TECTA: variants seen among roughly 807,000 people sequenced by gnomAD.
TECTA encodes the protein tectorin alpha.
In TECTA, 128 loss-of-function variants were observed where a neutral mutation model predicts 216.8. The observed-to-expected ratio is 0.59, with a 90% CI of 0.51 to 0.68. TECTA has a LOEUF of 0.68. TECTA is among the 30% of genes least tolerant of loss of function. The pLI, the probability that TECTA is intolerant of heterozygous loss-of-function variation, is 0.00. For missense variants in TECTA, 2,551 were observed against 2,786.2 expected (o/e 0.92, Z 1.90); for synonymous variants, 1,089 against 1,117.1 (o/e 0.97, Z 0.50).
Position 121,130,113 on chromosome 11 carries a change from G to A in TECTA, c.2843G>A (p.Gly948Asp), listed in dbSNP as rs904427211. Residue 948 changes from glycine to aspartate, a missense_variant, in exon 10 of 24, where the codon GGC (glycine) becomes GAC (aspartate). This residue lies in a region of TECTA where 2,375 missense variants were observed against 2,563.9 expected (regional missense o/e 0.93). Transcript: ENST00000392793. ...TCLFRLCQSG[G>D]NESELCDSVA... ...CTTTTCCGCCTGTGCCAGAGTGGGG[G>A]CAATGAGTCAGAGCTCTGTGACTCT... is the stretch of plus-strand genomic sequence containing the variant. 4 of 1,612,970 alleles carry A rather than the reference G, an allele frequency of 2.5e-6. No homozygotes were observed. Among genetic ancestry groups the A allele is most frequent in the South Asian group, 1.1e-5 (1 of 91,088 alleles).
intron 20 of TECTA, among the ~76,000 whole-genome samples, chr11:121,187,046 G>C (rs1264918844): frequency 6.6e-6 from 1 of 152,188 alleles, no homozygotes; most frequent in Non-Finnish European, 1.5e-5. Context: ...GTTTGTGCCT[G>C]GTCCGGGCAT....
At chr11:121,151,831 T>C (rs1037686068) in intron 12 of TECTA, among the ~76,000 whole-genome samples, 3 of 152,222 alleles carry the variant, frequency 2.0e-5, no homozygotes, top group Admixed American at 6.5e-5. Context: ...ATATAGATAC[T>C]GTATAGGGTA....
chr11:121,127,781 C>T lies in TECTA; in HGVS notation c.1804C>T (p.His602Tyr). Reference protein sequence around the residue: ...VSTVQCPSFSHYSVCTSSCPD... With the variant: ...VSTVQCPSFSYYSVCTSSCPD... ...CACAGTGCAGTGCCCGAGCTTCAGC[C>T]ACTACTCCGTGTGCACAAGCAGCTG... is the stretch of plus-strand genomic sequence containing the variant. The change falls in exon 9 of 24, where the codon CAC (histidine) becomes TAC (tyrosine). Residue 602 changes from histidine to tyrosine, a missense_variant. His to Tyr is a moderately conservative substitution (Grantham distance 83). Transcript: ENST00000392793. The surrounding 1 kb of genome is among the most constrained non-coding windows in gnomAD (Gnocchi z 5.0). 6.2e-7 allele frequency: 1 copy of T among 1,614,168 alleles called. No homozygotes were observed. Among genetic ancestry groups the T allele is most frequent in the Non-Finnish European group, 8.5e-7 (1 of 1,180,018 alleles).
chr11:121,153,167 TC>T, intron 13 of TECTA, 87 bp downstream of exon 13: 1 of 1,474,066 alleles, frequency 6.8e-7, no homozygotes, highest in Non-Finnish European at 9.2e-7. Context: ...TGACCAATTT[TC>T]CCACTTCATT....
chr11:121,164,434 A>T (rs184809999), intron 16 of TECTA, among the ~76,000 whole-genome samples: 2 of 152,326 alleles, frequency 1.3e-5, no homozygotes, highest in African/African-American at 4.8e-5. Context: ...CTGTCTTGAT[A>T]GGCAGAGCGA....
chr11:121,145,604 TA>T lies in TECTA; in HGVS notation c.3596del (p.Asn1199IlefsTer17), dbSNP rs781204565. ...YLPLKLGQGK[I>X]NIFSFGFHVV... ...CCCCTGAAGCTGGGGCAAGGGAAGA[TA>T]AATATCTTTTCCTTTGGCTTCCACG... On this transcript the variant is annotated frameshift_variant, in exon 12 of 24. Coordinates refer to ENST00000392793, the MANE Select transcript of TECTA (RefSeq NM_005422.4). LOFTEE classifies it high-confidence loss of function. 1 of 1,614,102 alleles carries T rather than the reference TA, an allele frequency of 6.2e-7. No homozygotes were observed. The highest frequency in any genetic ancestry group is 8.5e-7 in the Non-Finnish European group (1 of 1,180,042).
At position 121,113,760 on chromosome 11, in the gene TECTA, A is replaced by G. The variant is rs188961992; in HGVS notation, c.790+42A>G. On this transcript the variant is annotated intron_variant, in intron 6 of 23. Coordinates refer to ENST00000392793, the MANE Select transcript of TECTA (RefSeq NM_005422.4). The surrounding 1 kb of genome is among the most constrained non-coding windows in gnomAD (Gnocchi z 4.2). ...GTCTGTGGCAAGGCAGGGTTTGTTT[A>G]GTGTAGATTGACAGGCAAGCTTTTA... 1.2e-6 allele frequency: 2 copies of G among 1,610,820 alleles called. No individual in the cohort carries two copies. Among genetic ancestry groups the G allele is most frequent in the Admixed American group, 3.3e-5 (2 of 59,902 alleles).
chr11:121,163,109 C>T (rs374669995), intron 16 of TECTA, among the ~76,000 whole-genome samples: 8 of 152,170 alleles, frequency 5.3e-5, no homozygotes, highest in African/African-American at 1.7e-4. Flanking sequence ...TGACCCACAA[C>T]ACCAACCCAG....
In TECTA at chr11:121,129,775, C is replaced by A. The variant is rs1475774141; in HGVS notation, c.2505C>A (p.Ile835=). Residue 835 remains isoleucine, a synonymous_variant, in exon 10 of 24, where the codon ATC becomes ATA. Transcript: ENST00000392793. ...VQYSDIGLLY[I]RLSTTYFNCT... ...ACTCAGACATAGGTCTATTGTACATCCGGCTGTCCACCACATACTTCAATT... is the reference window on the plus strand; with the variant it reads ...ACTCAGACATAGGTCTATTGTACATACGGCTGTCCACCACATACTTCAATT... 2 of 1,614,212 alleles carry A rather than the reference C, an allele frequency of 1.2e-6. No individual in the cohort carries two copies. The highest frequency in any genetic ancestry group is 3.3e-5 in the Admixed American group (2 of 60,016).
intron 3 of TECTA, 115 bp from the exon 4 acceptor site, chr11:121,109,095 CA>C: frequency 8.8e-7 from 1 of 1,142,854 alleles, no homozygotes; most frequent in Non-Finnish European, 1.3e-6. Context: ...GGTTCTAATT[CA>C]GTAGTTTAAA....
Position 121,160,403 on chromosome 11 carries a change from C to T in TECTA, c.4958C>T (p.Thr1653Ile). ...GTGGTGCTGGCCCAGAGCTGGAAAA[C>T]CAATGGCATGCAGAAGAGGTGAGGG... ...SSVVLAQSWK[T>I]NGMQKRPLAP... Residue 1653 changes from threonine to isoleucine, a missense_variant, in exon 15 of 24, where the codon ACC becomes ATC. This residue lies in a region of TECTA where 2,375 missense variants were observed against 2,563.9 expected (regional missense o/e 0.93). Transcript: ENST00000392793. 6.2e-7 allele frequency: 1 copy of T among 1,612,078 alleles called. No individual in the cohort carries two copies. The highest frequency in any genetic ancestry group is 8.5e-7 in the Non-Finnish European group (1 of 1,179,904).
intron 14 of TECTA, among the ~76,000 whole-genome samples, chr11:121,159,379 C>T (rs1157167265): frequency 6.6e-6 from 1 of 152,232 alleles, no homozygotes; most frequent in East Asian, 1.9e-4. Context: ...TGTGGTTGAA[C>T]AAAATACCCC....
At chr11:121,147,251 G>T (rs139176140) in intron 12 of TECTA, among the ~76,000 whole-genome samples, 1 of 152,158 alleles carries the variant, frequency 6.6e-6, no homozygotes, top group Non-Finnish European at 1.5e-5. Flanking sequence ...CTAACTAAGC[G>T]ATGCAGCAGG....
At position 121,145,928 on chromosome 11, in the gene TECTA, A is replaced by G. The variant is rs765048098; in HGVS notation, c.3917A>G (p.Asn1306Ser). ...KVQQLCSLIP[N>S]QNAAFSKCHS... ...CAGCAGCTGTGCAGCCTGATCCCCA[A>G]CCAGAACGCTGCCTTCTCCAAGTGT... Residue 1306 changes from asparagine (N) to serine (S), a missense_variant, in exon 12 of 24, where the codon AAC (asparagine) becomes AGC (serine). This residue lies in a region of TECTA where 2,375 missense variants were observed against 2,563.9 expected (regional missense o/e 0.93). Coordinates refer to ENST00000392793, the MANE Select transcript of TECTA (RefSeq NM_005422.4). 5.0e-6 allele frequency: 8 copies of G among 1,614,096 alleles called. No homozygotes were observed. Among genetic ancestry groups the G allele is most frequent in the African/African-American group, 4.0e-5 (3 of 74,938 alleles).
At position 121,146,050 on chromosome 11, in the gene TECTA, A is replaced by G. The variant is rs746199109; in HGVS notation, c.4039A>G (p.Asn1347Asp). The change falls in exon 12 of 24, where the codon AAC (asparagine) becomes GAC (aspartate). Residue 1347 changes from asparagine (N) to aspartate (D), a missense_variant. Physicochemically the swap from Asn to Asp is conservative, Grantham distance 23. Around this residue, in one of 3 missense-constraint regions of TECTA, gnomAD observed 2,375 missense variants for 2,563.9 expected, o/e 0.93. Coordinates refer to ENST00000392793, the MANE Select transcript of TECTA (RefSeq NM_005422.4). ...AVQTACSWLQ[N>D]YASTCQTQGI... ...GCAGACCGCCTGCAGCTGGCTGCAG[A>G]ACTACGCCAGCACCTGCCAGACTCA... 1.7e-5 allele frequency: 27 copies of G among 1,613,648 alleles called. No homozygotes were observed. The South Asian group carries it at 3.0e-4, about 18-fold the overall frequency.
chr11:121,102,872 T>C (rs549415293), intron 2 of TECTA, 143 bp downstream of exon 2: 5 of 785,212 alleles, frequency 6.4e-6, no homozygotes, highest in Non-Finnish European at 2.2e-6. Context: ...AATTCTATTA[T>C]CAAGGGTAAA....
At position 121,130,088 on chromosome 11, in the gene TECTA, C is replaced by T. The variant is rs1349394764; in HGVS notation, c.2818C>T (p.Leu940Phe). Residue 940 changes from leucine to phenylalanine, a missense_variant, in exon 10 of 24, where the codon CTT becomes TTT. This residue lies in a region of TECTA where 2,375 missense variants were observed against 2,563.9 expected (regional missense o/e 0.93). Coordinates refer to ENST00000392793, the MANE Select transcript of TECTA (RefSeq NM_005422.4). ...VNVTAYYRTC[L>F]FRLCQSGGNE... Reference sequence around the variant, plus strand: ...CGTCACTGCCTATTACCGCACCTGCCTTTTCCGCCTGTGCCAGAGTGGGGG... The same window carrying T: ...CGTCACTGCCTATTACCGCACCTGCTTTTTCCGCCTGTGCCAGAGTGGGGG... 1 of 1,613,902 alleles carries T rather than the reference C, an allele frequency of 6.2e-7. No individual in the cohort carries two copies. The highest frequency in any genetic ancestry group is 1.1e-5 in the South Asian group (1 of 91,078).
intron 10 of TECTA, among the ~76,000 whole-genome samples, chr11:121,134,574 CTT>C (rs34432296): frequency 2.0e-5 from 3 of 148,626 alleles, no homozygotes; most frequent in East Asian, 2.0e-4. Flanking sequence ...TTCCCAAAGT[CTT>C]TTTTTTTTTC....
At chr11:121,101,586 C>A (rs1343821103) in intron 1 of TECTA, 144 bp downstream of exon 1, 3 of 152,160 alleles carry the variant, frequency 2.0e-5, no homozygotes, top group Non-Finnish European at 4.4e-5. Context: ...AACCTTTGTA[C>A]CCTTTCCAGC....
Sources: allele counts gnomAD v4.1 joint callset (sites outside exome capture counted in the v4.1 genomes callset), GRCh38; gene constraint gnomAD v4.1.1; regional missense constraint gnomAD v4.1.1; non-coding constraint Gnocchi (gnomAD v3.1); transcripts MANE v1.5; gene names NCBI Gene and HGNC (gene_info 2026-07-23, HGNC 2026-07-21).